The following MTX1 variants were observed in gnomAD, a reference collection of about 807,000 sequenced individuals.
MTX1 encodes metaxin-1.
Under a neutral mutation model 39.4 loss-of-function variants are expected in MTX1, and 20 were observed. The ratio of observed to expected loss-of-function variants is 0.51; its 90% CI spans 0.36 to 0.74. MTX1 has a LOEUF of 0.74. Ranked by LOEUF, MTX1 falls within the 30% of genes least tolerant of loss-of-function variation. MTX1 has a pLI of 0.00. For synonymous variants in MTX1, 209 were observed against 198.6 expected, an observed-to-expected ratio of 1.05 and a Z score of -0.44; for missense variants, 481 against 485.9, an observed-to-expected ratio of 0.99 and a Z score of 0.10.
At chr1:155,210,816 A>C (rs1007543495) in intron 3 of MTX1, 189 bp downstream of exon 3, 54 of 618,640 alleles carry the variant, frequency 8.7e-5, no homozygotes, top group Non-Finnish European at 1.3e-4. Context: ...GCAAGAGATG[A>C]AACTTAGGGC....
At position 155,209,320 on chromosome 1, in the gene MTX1, C is replaced by T; in HGVS notation, c.516C>T (p.Ser172=). 7.0e-7 allele frequency: 1 copy of T among 1,424,974 alleles called. No individual in the cohort carries two copies. Among genetic ancestry groups the T allele is most frequent in the Non-Finnish European group, 9.2e-7 (1 of 1,091,084 alleles). The allele number at this position is 1,424,974 out of a possible 1,614,324, so 88.3% of individuals were successfully genotyped here. ...GWGLPSVDLD[S]LAVLTYARFT... is the part of the protein sequence containing the mutation. ...GGCTGCCGTCAGTGGACCTGGACAG[C>T]CTGGCCGTGCTGGTGAGGGGTGGCG... The change falls in exon 1 of 8, where the codon AGC becomes AGT. Residue 172 remains serine (S), a synonymous_variant. Coordinates refer to ENST00000368376, the MANE Select transcript of MTX1 (RefSeq NM_002455.5).
rs772932382 is a variant in MTX1 at position 155,209,296 on chromosome 1, G to C, written c.492G>C (p.Gly164=). Residue 164 remains glycine (G), a synonymous_variant, in exon 1 of 8, where the codon GGG becomes GGC. Transcript: ENST00000368376. The part of the protein sequence containing the change: ...MELFCWSGGW[G]LPSVDLDSLA... ...TGTTCTGCTGGTCAGGGGGCTGGGG[G>C]CTGCCGTCAGTGGACCTGGACAGCC... The C allele has an allele frequency of 7.6e-6, 11 of 1,438,344 alleles. No homozygotes were observed. Among genetic ancestry groups the C allele is most frequent in the Non-Finnish European group, 1.0e-5 (11 of 1,095,664 alleles). The allele number at this position is 1,438,344 out of a possible 1,614,324, so 89.1% of individuals were successfully genotyped here.
At position 155,210,481 on chromosome 1, in the gene MTX1, A is replaced by C. The variant is rs547740847; in HGVS notation, c.598+66A>C. ...GGGGAGAAGCAAGAAATAGGCAGGA[A>C]TGTGTTGCAACTATGTATGACTAGG... On this transcript the variant is annotated intron_variant, in intron 2 of 7. Transcript: ENST00000368376. The C allele has an allele frequency of 5.6e-6, 9 of 1,606,056 alleles. No homozygotes were observed. In the South Asian group the frequency reaches 9.9e-5, roughly 18 times the overall value.
Position 155,208,713 on chromosome 1 carries a change from C to CA in MTX1, c.-92_-91insA. The CA allele has an allele frequency of 1.4e-6, 1 of 701,942 alleles. No homozygotes were observed. The highest frequency in any genetic ancestry group is 2.1e-6 in the Non-Finnish European group (1 of 471,806). 43.5% of individuals were successfully genotyped at this position (701,942 alleles called of 1,614,324 possible). A position where few individuals can be genotyped will look rare whatever the true frequency, so the allele number is the denominator to read the frequency against. ...CTCCCCCACCCAAGCCCCAGCCCGG[C>CA]CTCCGCTCCGGCCGCCGCCACCGCC... On this transcript the variant is annotated 5_prime_UTR_variant, in exon 1 of 8. Transcript: ENST00000368376.
chr1:155,212,278 C>G, intron 4 of MTX1, 59 bp downstream of exon 4: 1 of 1,593,658 alleles, frequency 6.3e-7, no homozygotes, highest in Non-Finnish European at 8.6e-7. Flanking sequence ...CGGGAACACA[C>G]AGACCCACAC....
rs763664713 is a variant in MTX1, at chr1:155,208,965, G to T, written c.161G>T (p.Gly54Val). The change falls in exon 1 of 8, where the codon GGC becomes GTC. Residue 54 changes from glycine (G) to valine (V), a missense_variant. By Grantham distance (109) the Gly-to-Val change is moderately radical. This residue lies in a region of MTX1 where 368 missense variants were observed against 332.8 expected (regional missense o/e 1.11). Coordinates refer to ENST00000368376, the MANE Select transcript of MTX1 (RefSeq NM_002455.5). ...CCTGCCGCGCCTTCAGGGGTTCGGG[G>T]CTCCACTTGGACGAGGCGCCGTGAC... is the stretch of plus-strand genomic sequence containing the variant. ...PEPAAPSGVR[G>V]STWTRRRDSP... 1 of 1,607,936 alleles carries T rather than the reference G, an allele frequency of 6.2e-7. No homozygotes were observed. The highest frequency in any genetic ancestry group is 1.3e-5 in the African/African-American group (1 of 75,002).
Position 155,208,715 on chromosome 1 carries a change from T to A in MTX1, c.-90T>A. On this transcript the variant is annotated 5_prime_UTR_variant, in exon 1 of 8. Coordinates refer to ENST00000368376, the MANE Select transcript of MTX1 (RefSeq NM_002455.5). ...CCCCCACCCAAGCCCCAGCCCGGCC[T>A]CCGCTCCGGCCGCCGCCACCGCCCC... 6.2e-4 allele frequency: 362 copies of A among 587,712 alleles called. No homozygotes were observed. The highest frequency in any genetic ancestry group is 1.8e-3 in the Middle Eastern group (3 of 1,666). The allele number at this position is 587,712 out of a possible 1,614,324, so 36.4% of individuals were successfully genotyped here.
intron 1 of MTX1, 97 bp from the exon 2 acceptor site, chr1:155,210,249 A>G: frequency 1.9e-6 from 2 of 1,051,132 alleles, no homozygotes; most frequent in East Asian, 2.4e-5. Context: ...AGTATAGGGA[A>G]TGGCACATAA....
chr1:155,210,344 A>C lies in MTX1; in HGVS notation c.529-2A>C. 1 of 1,614,088 alleles carries C rather than the reference A, an allele frequency of 6.2e-7. No homozygotes were observed. Among genetic ancestry groups the C allele is most frequent in the Non-Finnish European group, 8.5e-7 (1 of 1,179,932 alleles). On this transcript the variant is annotated splice_acceptor_variant, in intron 1 of 7. Coordinates refer to ENST00000368376, the MANE Select transcript of MTX1 (RefSeq NM_002455.5). LOFTEE classifies it high-confidence loss of function. ...CTCTGACTTCTGCTTCCTTCCCTGC[A>C]GACCTATGCCAGATTTACTGGTGCT...
Position 155,209,148 on chromosome 1 carries a change from G to T in MTX1, c.344G>T (p.Gly115Val). 1 of 1,525,402 alleles carries T rather than the reference G, an allele frequency of 6.6e-7. No homozygotes were observed. 94.5% of individuals were successfully genotyped at this position (1,525,402 alleles called of 1,614,324 possible). A position where few individuals can be genotyped will look rare whatever the true frequency, so the allele number is the denominator to read the frequency against. The change falls in exon 1 of 8, where the codon GGC becomes GTC. Residue 115 changes from glycine (G) to valine (V), a missense_variant. Physicochemically the swap from Gly to Val is moderately radical, Grantham distance 109 (BLOSUM62 -3). This residue lies in a region of MTX1 where 368 missense variants were observed against 332.8 expected (regional missense o/e 1.11). Coordinates refer to ENST00000368376, the MANE Select transcript of MTX1 (RefSeq NM_002455.5). ...RSLASPGISP[G>V]PLTATIGGAV... ...CTCGCCTCCCCGGGGATCTCCCCAG[G>T]CCCCCTGACCGCAACGATCGGAGGG...
intron 1 of MTX1, 130 bp from the exon 2 acceptor site, chr1:155,210,216 T>C: frequency 2.5e-6 from 2 of 802,850 alleles, no homozygotes; most frequent in Non-Finnish European, 4.1e-6. Context: ...GACTCCCCCT[T>C]TTTTTTCGAG....
chr1:155,208,701 GC>G lies in MTX1; in HGVS notation c.-100del. 1 of 888,664 alleles carries G rather than the reference GC, an allele frequency of 1.1e-6. No homozygotes were observed. The allele number at this position is 888,664 out of a possible 1,614,324, so 55.0% of individuals were successfully genotyped here. A position where few individuals can be genotyped will look rare whatever the true frequency, so the allele number is the denominator to read the frequency against. On this transcript the variant is annotated 5_prime_UTR_variant, in exon 1 of 8. Transcript: ENST00000368376. Reference sequence around the variant, plus strand: ...GCCTCTCTTCCCCTCCCCCACCCAAGCCCCAGCCCGGCCTCCGCTCCGGCCG... The same window carrying G: ...GCCTCTCTTCCCCTCCCCCACCCAAGCCCAGCCCGGCCTCCGCTCCGGCCG...
chr1:155,209,424 A>G, intron 1 of MTX1, 92 bp downstream of exon 1: 2 of 1,306,386 alleles, frequency 1.5e-6, no homozygotes, highest in Non-Finnish European at 2.0e-6. Context: ...AGGGCTACTC[A>G]GCACGGGCGC....
chr1:155,213,062 G>C (rs1671184458), intron 6 of MTX1, among the ~76,000 whole-genome samples, 175 bp from the exon 7 acceptor site: 1 of 151,318 alleles, frequency 6.6e-6, no homozygotes, highest in Admixed American at 6.6e-5. Context: ...GGCCAGGCTG[G>C]CGCCACCTGG....
Position 155,209,317 on chromosome 1 carries a change from C to G in MTX1, c.513C>G (p.Asp171Glu). Reference protein sequence around the residue: ...GGWGLPSVDLDSLAVLTYARF... With the variant: ...GGWGLPSVDLESLAVLTYARF... ...GGGGGCTGCCGTCAGTGGACCTGGACAGCCTGGCCGTGCTGGTGAGGGGTG... is the reference window on the plus strand; with the variant it reads ...GGGGGCTGCCGTCAGTGGACCTGGAGAGCCTGGCCGTGCTGGTGAGGGGTG... The change falls in exon 1 of 8, where the codon GAC (aspartate) becomes GAG (glutamate). Residue 171 changes from aspartate to glutamate, a missense_variant. Around this residue, in one of 2 missense-constraint regions of MTX1, gnomAD observed 368 missense variants for 332.8 expected, o/e 1.11. Transcript: ENST00000368376. 1 of 1,431,626 alleles carries G rather than the reference C, an allele frequency of 7.0e-7. No homozygotes were observed. Among genetic ancestry groups the G allele is most frequent in the Non-Finnish European group, 9.1e-7 (1 of 1,094,222 alleles). The allele number at this position is 1,431,626 out of a possible 1,614,324, so 88.7% of individuals were successfully genotyped here.
At chr1:155,212,316 A>G (rs1272604356) in intron 4 of MTX1, 69 bp from the exon 5 acceptor site, 3 of 1,602,320 alleles carry the variant, frequency 1.9e-6, no homozygotes, top group African/African-American at 2.7e-5. Flanking sequence ...TGGGGGTCAG[A>G]AGCCCACCTT....
intron 4 of MTX1, 71 bp downstream of exon 4, chr1:155,212,290 C>T: frequency 6.3e-7 from 1 of 1,594,830 alleles, no homozygotes; most frequent in Non-Finnish European, 8.6e-7. Flanking sequence ...GACCCACACA[C>T]AGGCTCAGGA....
At chr1:155,210,474 G>C (rs760642119) in intron 2 of MTX1, 59 bp downstream of exon 2, 3 of 1,607,198 alleles carry the variant, frequency 1.9e-6, no homozygotes, top group Non-Finnish European at 1.7e-6. Flanking sequence ...GCAAGAAATA[G>C]GCAGGAATGT....
chr1:155,209,152 C>T lies in MTX1; in HGVS notation c.348C>T (p.Pro116=), dbSNP rs776162502. 11 of 1,517,306 alleles carry T rather than the reference C, an allele frequency of 7.2e-6. No individual in the cohort carries two copies. In the South Asian group the frequency reaches 9.8e-5, roughly 14 times the overall value. 94.0% of individuals were successfully genotyped at this position (1,517,306 alleles called of 1,614,324 possible). A position where few individuals can be genotyped will look rare whatever the true frequency, so the allele number is the denominator to read the frequency against. Residue 116 remains proline, a synonymous_variant, in exon 1 of 8, where the codon CCC becomes CCT. Transcript: ENST00000368376. ...CCTCCCCGGGGATCTCCCCAGGCCCCCTGACCGCAACGATCGGAGGGGCGG... is the reference window on the plus strand; with the variant it reads ...CCTCCCCGGGGATCTCCCCAGGCCCTCTGACCGCAACGATCGGAGGGGCGG... ...SLASPGISPG[P]LTATIGGAVA...
Sources: gnomAD v4.1 joint callset for allele counts (sites outside exome capture counted in the v4.1 genomes callset) on GRCh38, gnomAD v4.1.1 for gene constraint, gnomAD v4.1.1 regional missense constraint, MANE v1.5 for transcripts, NCBI Gene and HGNC (gene_info 2026-07-23, HGNC 2026-07-21) for gene names.